The following TPRG1 variants were observed in gnomAD, a reference collection of about 807,000 sequenced individuals.
TPRG1 encodes tumor protein p63 regulated 1, also known as tumor protein p63-regulated gene 1 protein.
A neutral mutation model predicts 29.3 loss-of-function variants in TPRG1; 29 were observed. The ratio of observed to expected loss-of-function variants is 0.99; its 90% CI spans 0.74 to 1.35. The LOEUF (loss-of-function observed/expected upper bound fraction) is 1.35. Among genes scored for constraint, TPRG1 ranks in the 40% most tolerant of loss-of-function variants. TPRG1 has a pLI of 0.00. For synonymous variants in TPRG1, 130 were observed against 116.8 expected (o/e 1.11, Z -0.73); for missense variants, 327 against 335.0 (o/e 0.98, Z 0.19).
At chr3:189,217,781 T>TA in intron 3 of TPRG1, 1 of 972,460 alleles carries the variant, frequency 1.0e-6, no homozygotes, top group Non-Finnish European at 1.2e-6. Context: ...AGCAGAAAAA[T>TA]AAGAAAAAAT....
intron 4 of TPRG1, among the ~76,000 whole-genome samples, chr3:189,274,971 TG>T (rs2109103077): frequency 6.6e-6 from 1 of 151,224 alleles, no homozygotes; most frequent in African/African-American, 2.4e-5. Flanking sequence ...TGTGTGTGTG[TG>T]TGTGTGTATG....
intron 5 of TPRG1, chr3:189,151,283 G>A (rs1190605289): frequency 6.6e-6 from 1 of 152,102 alleles, no homozygotes; most frequent in Non-Finnish European, 1.5e-5. Context: ...ATAAGATACT[G>A]TATTATTAGA....
At chr3:189,173,267 C>A (rs979234552) in intron 1 of TPRG1, among the ~76,000 whole-genome samples, 2 of 151,796 alleles carry the variant, frequency 1.3e-5, no homozygotes, top group African/African-American at 2.4e-5. Flanking sequence ...TTGGGGCCAC[C>A]ACAAATGCAT....
At chr3:189,178,290 A>G (rs1729756516) in intron 1 of TPRG1, among the ~76,000 whole-genome samples, 1 of 152,198 alleles carries the variant, frequency 6.6e-6, no homozygotes, top group African/African-American at 2.4e-5. Flanking sequence ...GCACTTTGGG[A>G]GGCCAAGGTG....
chr3:189,056,567 A>C (rs1394758129), intron 4 of TPRG1, among the ~76,000 whole-genome samples: 1 of 152,048 alleles, frequency 6.6e-6, no homozygotes, highest in Admixed American at 6.5e-5. Flanking sequence ...TGATTACACC[A>C]TTTTCCTCTT....
chr3:189,015,114 C>T (rs7645860), intron 3 of TPRG1, among the ~76,000 whole-genome samples: 11,119 of 152,000 alleles, frequency 0.073, 817 homozygotes, highest in African/African-American at 0.18. Flanking sequence ...AAGTCCAGGG[C>T]GAGGTGTTCT....
intron 4 of TPRG1, among the ~76,000 whole-genome samples, chr3:189,293,977 T>C (rs192604282): frequency 6.4e-4 from 97 of 152,368 alleles, no homozygotes; most frequent in Admixed American, 2.0e-3. Context: ...TTCTACTACC[T>C]GTCTGCAATC....
At chr3:189,020,427 T>G (rs914486900) in intron 3 of TPRG1, among the ~76,000 whole-genome samples, 20 of 151,904 alleles carry the variant, frequency 1.3e-4, no homozygotes, top group Non-Finnish European at 2.1e-4. Flanking sequence ...TCTGGTATGT[T>G]GTGTCTTTGT....
At chr3:189,026,833 A>G (rs1435135613) in intron 4 of TPRG1, among the ~76,000 whole-genome samples, 1 of 152,172 alleles carries the variant, frequency 6.6e-6, no homozygotes, top group Admixed American at 6.5e-5. Flanking sequence ...TGAAAGACGA[A>G]GGAGTAAGAT....
chr3:189,312,160 T>C (rs1365307229), intron 5 of TPRG1, among the ~76,000 whole-genome samples: 27 of 67,478 alleles, frequency 4.0e-4, no homozygotes, highest in African/African-American at 1.5e-3. Context: ...TTTCTTTCTT[T>C]CTTTCTTTCT....
intron 5 of TPRG1, among the ~76,000 whole-genome samples, chr3:189,166,442 G>A (rs1728177024): frequency 6.6e-6 from 1 of 152,158 alleles, no homozygotes; most frequent in South Asian, 2.1e-4. Context: ...ACCTCACTTT[G>A]AGCACGTCCA....
intron 1 of TPRG1, among the ~76,000 whole-genome samples, chr3:189,112,588 A>G (rs1410849269): frequency 2.0e-5 from 3 of 152,168 alleles, no homozygotes; most frequent in Non-Finnish European, 2.9e-5. Flanking sequence ...TCAGCTTTCC[A>G]CATGTGGCTA....
At chr3:189,214,557 G>A (rs181767989) in intron 2 of TPRG1, among the ~76,000 whole-genome samples, 8 of 152,228 alleles carry the variant, frequency 5.3e-5, no homozygotes, top group Non-Finnish European at 1.2e-4. Flanking sequence ...TTTGAGCAGT[G>A]GTTCTCTTAG....
intron 5 of TPRG1, among the ~76,000 whole-genome samples, chr3:189,153,942 C>G (rs1726300049): frequency 6.6e-6 from 1 of 152,178 alleles, no homozygotes; most frequent in African/African-American, 2.4e-5. Context: ...CTGGCCAGGA[C>G]AGCATTTTGA....
At chr3:189,290,734 C>T (rs1411666256) in intron 4 of TPRG1, among the ~76,000 whole-genome samples, 2 of 152,168 alleles carry the variant, frequency 1.3e-5, no homozygotes, top group Non-Finnish European at 2.9e-5. Context: ...AAAAGCTTTG[C>T]AGATGTGTTT....
At chr3:189,277,973 C>T (rs1055191909) in intron 4 of TPRG1, among the ~76,000 whole-genome samples, 2 of 152,202 alleles carry the variant, frequency 1.3e-5, no homozygotes, top group Admixed American at 6.5e-5. Context: ...GAAGCCACGT[C>T]GAAGCCTATT....
At chr3:189,099,583 T>C (rs768082641), upstream of TPRG1, among the ~76,000 whole-genome samples, 1 of 152,070 alleles carries the variant, frequency 6.6e-6, no homozygotes, top group Non-Finnish European at 1.5e-5. Context: ...TAGTTGTTTA[T>C]GTGGTGGTGG....
At chr3:189,247,124 C>T (rs1487580179) in intron 4 of TPRG1, among the ~76,000 whole-genome samples, 1 of 151,900 alleles carries the variant, frequency 6.6e-6, no homozygotes, top group Non-Finnish European at 1.5e-5. Flanking sequence ...GATACTGTCC[C>T]ACAAGTCTCT....
At chr3:189,138,701 G>A (rs992336762) in intron 3 of TPRG1, among the ~76,000 whole-genome samples, 3 of 152,200 alleles carry the variant, frequency 2.0e-5, no homozygotes, top group African/African-American at 7.2e-5. Flanking sequence ...TCAACTGCAA[G>A]GGGTCCAGGG....
Sources: gnomAD v4.1 joint callset for allele counts (sites outside exome capture counted in the v4.1 genomes callset) on GRCh38, gnomAD v4.1.1 for gene constraint, MANE v1.5 for transcripts, NCBI Gene and HGNC (gene_info 2026-07-23, HGNC 2026-07-21) for gene names.